NUCB2: variants seen among roughly 807,000 people sequenced by gnomAD.
NUCB2 encodes the protein nucleobindin-2.
A neutral mutation model predicts 57.9 loss-of-function variants in NUCB2; 48 were observed. That is an observed-to-expected ratio of 0.83 (90% confidence interval 0.66 to 1.05). The LOEUF (loss-of-function observed/expected upper bound fraction) is 1.05, where lower values mean the gene tolerates loss of function less well. Ranked by LOEUF, NUCB2 falls within the 50% of genes least tolerant of loss-of-function variation. The pLI, the probability that NUCB2 is intolerant of heterozygous loss-of-function variation, is 0.00. For missense variants in NUCB2, 442 were observed against 476.2 expected (o/e 0.93, Z 0.67); for synonymous variants, 139 against 152.1 (o/e 0.91, Z 0.64).
At chr11:17,296,343 CAGT>C (rs544968931) in intron 4 of NUCB2, 132 bp downstream of exon 4, 58 of 451,940 alleles carry the variant, frequency 1.3e-4, no homozygotes, top group Non-Finnish European at 1.9e-4. Context: ...TCAGTCTCTC[CAGT>C]AGTTGGGACT....
At chr11:17,277,030 G>C (rs1045659460) in intron 1 of NUCB2, 9 of 152,424 alleles carry the variant, frequency 5.9e-5, no homozygotes, top group African/African-American at 1.7e-4. Context: ...TCCACTCGCA[G>C]CTGGGCACCC....
intron 1 of NUCB2, among the ~76,000 whole-genome samples, chr11:17,277,586 T>A (rs564288953): frequency 2.4e-4 from 37 of 152,332 alleles, no homozygotes; most frequent in Admixed American, 2.1e-3. Flanking sequence ...CTCTTGAAAT[T>A]CTATGTCTGC....
intron 2 of NUCB2, among the ~76,000 whole-genome samples, chr11:17,338,760 G>A: frequency 6.6e-6 from 1 of 151,378 alleles, no homozygotes; most frequent in Middle Eastern, 3.2e-3. Flanking sequence ...GCCTCCCAGG[G>A]TCAAGCAATT....
rs1045847202 is a variant in NUCB2 at position 17,309,768 on chromosome 11, A to G, written c.483+93A>G. 3.6e-5 allele frequency: 27 copies of G among 758,840 alleles called. No homozygotes were observed. In the African/African-American group the frequency reaches 4.0e-4, roughly 11 times the overall value. The allele number at this position is 758,840 out of a possible 1,614,324, so 47.0% of individuals were successfully genotyped here. A position where few individuals can be genotyped will look rare whatever the true frequency, so the allele number is the denominator to read the frequency against. On this transcript the variant is annotated intron_variant, in intron 6 of 13. Coordinates refer to ENST00000529010, the MANE Select transcript of NUCB2 (RefSeq NM_005013.4). ...CCAATGAAATGGAAATATAACTTTT[A>G]TATATTCTGTAGAAGTTCTTTAAAG...
intron 2 of NUCB2, among the ~76,000 whole-genome samples, chr11:17,340,300 G>A (rs1300799804): frequency 2.0e-5 from 3 of 152,108 alleles, no homozygotes; most frequent in Admixed American, 6.6e-5. Context: ...TCTGTAGGTT[G>A]CCTGTTCACT....
At chr11:17,319,222 A>T (rs1949695742) in intron 11 of NUCB2, among the ~76,000 whole-genome samples, 1 of 151,782 alleles carries the variant, frequency 6.6e-6, no homozygotes, top group South Asian at 2.1e-4. Flanking sequence ...GTGTAGACTC[A>T]TGGCTTCTTT....
At chr11:17,309,710 T>C in intron 6 of NUCB2, 35 bp downstream of exon 6, 1 of 1,339,868 alleles carries the variant, frequency 7.5e-7, no homozygotes, top group Non-Finnish European at 1.0e-6. Context: ...GTCTTTATTG[T>C]GCCTTTGAGG....
intron 2 of NUCB2, among the ~76,000 whole-genome samples, chr11:17,286,990 T>G (rs918864071): frequency 6.6e-6 from 1 of 152,148 alleles, no homozygotes; most frequent in Non-Finnish European, 1.5e-5. Context: ...TTTAAATTAA[T>G]TGTCCTAGTT....
chr11:17,344,260 A>G (rs1952536037), intron 2 of NUCB2, among the ~76,000 whole-genome samples: 1 of 152,214 alleles, frequency 6.6e-6, no homozygotes, highest in African/African-American at 2.4e-5. Context: ...TATCTATAGT[A>G]CTTTATAGAT....
chr11:17,296,121 T>C lies in NUCB2; in HGVS notation c.162T>C (p.Tyr54=). 1 of 1,607,194 alleles carries C rather than the reference T, an allele frequency of 6.2e-7. No homozygotes were observed. The highest frequency in any genetic ancestry group is 1.1e-5 in the South Asian group (1 of 90,330). ...ATTTGAAGGATACTGGACTTTATTA[T>C]GATGAATATCTCAAGCAAGTGATTG... ...KIEPPDTGLY[Y]DEYLKQVIDV... is the part of the protein sequence containing the mutation. Residue 54 remains tyrosine (Y), a synonymous_variant, in exon 4 of 14, where the codon TAT becomes TAC. Transcript: ENST00000529010.
intron 2 of NUCB2, chr11:17,286,538 T>G (rs931691052): frequency 2.6e-5 from 4 of 152,208 alleles, no homozygotes; most frequent in African/African-American, 9.7e-5. Context: ...ATTTAGAATT[T>G]CACACCATCC....
intron 5 of NUCB2, among the ~76,000 whole-genome samples, chr11:17,307,407 G>T (rs1429012930): frequency 4.6e-5 from 7 of 151,990 alleles, no homozygotes; most frequent in Non-Finnish European, 1.0e-4. Flanking sequence ...TGGTCCTCCT[G>T]CCTCAGCCTC....
chr11:17,306,045 A>G (rs1947581000), intron 5 of NUCB2, among the ~76,000 whole-genome samples: 1 of 152,256 alleles, frequency 6.6e-6, no homozygotes, highest in African/African-American at 2.4e-5. Context: ...ATTTAAATGT[A>G]GAAAATAAAA....
intron 2 of NUCB2, among the ~76,000 whole-genome samples, chr11:17,341,224 G>C (rs1256980157): frequency 1.3e-5 from 2 of 152,086 alleles, no homozygotes; most frequent in East Asian, 1.9e-4. Flanking sequence ...GGCTGAGACA[G>C]TGGGGTTTTC....
intron 11 of NUCB2, among the ~76,000 whole-genome samples, chr11:17,321,657 T>C (rs1950035353): frequency 6.6e-6 from 1 of 152,178 alleles, no homozygotes; most frequent in Admixed American, 6.5e-5. Flanking sequence ...CTATTTTTAA[T>C]TTTTTGAGGA....
chr11:17,342,413 A>C (rs1311497673), intron 2 of NUCB2, among the ~76,000 whole-genome samples: 4 of 151,776 alleles, frequency 2.6e-5, no homozygotes, highest in Admixed American at 6.6e-5. Context: ...TTAGGGTGTC[A>C]ATTTTAGATC....
chr11:17,310,834 G>A lies in NUCB2; in HGVS notation c.493G>A (p.Asp165Asn), dbSNP rs780234096. ...CATTATTGCATTTCAGGCAACAAGT[G>A]ATCTGGAACACTATGACAAGACTCG... ...LDMLIKAATS[D>N]LEHYDKTRHE... The change falls in exon 7 of 14, where the codon GAT (aspartate) becomes AAT (asparagine). Residue 165 changes from aspartate (D) to asparagine (N), a missense_variant. Coordinates refer to ENST00000529010, the MANE Select transcript of NUCB2 (RefSeq NM_005013.4). 4.4e-6 allele frequency: 7 copies of A among 1,578,910 alleles called. No homozygotes were observed. Among genetic ancestry groups the A allele is most frequent in the Non-Finnish European group, 6.0e-6 (7 of 1,171,120 alleles).
At chr11:17,308,140 G>T (rs1947967710) in intron 5 of NUCB2, among the ~76,000 whole-genome samples, 1 of 152,108 alleles carries the variant, frequency 6.6e-6, no homozygotes, top group South Asian at 2.1e-4. Flanking sequence ...ACCAGATTTA[G>T]CAGTTCTTCA....
chr11:17,307,404 C>G (rs1184503671), intron 5 of NUCB2, among the ~76,000 whole-genome samples: 2 of 149,178 alleles, frequency 1.3e-5, no homozygotes, highest in African/African-American at 5.0e-5. Context: ...AAGTGGTCCT[C>G]CTGCCTCAGC....
Sources: allele counts gnomAD v4.1 joint callset (sites outside exome capture counted in the v4.1 genomes callset), GRCh38; gene constraint gnomAD v4.1.1; transcripts MANE v1.5; gene names NCBI Gene and HGNC (gene_info 2026-07-23, HGNC 2026-07-21).